Variants in SYT9 observed in about 807,000 individuals in gnomAD.
The protein encoded by SYT9 is synaptotagmin-9.
A neutral mutation model predicts 48.4 loss-of-function variants in SYT9; 22 were observed. That is an observed-to-expected ratio of 0.45 (90% CI 0.32 to 0.65). SYT9 has a LOEUF of 0.65. Ranked by LOEUF, SYT9 falls within the 30% of genes least tolerant of loss-of-function variation. The pLI is 0.03. For missense variants in SYT9, 577 were observed against 622.0 expected, an observed-to-expected ratio of 0.93 and a Z score of 0.77; for synonymous variants, 265 against 245.0, an observed-to-expected ratio of 1.08 and a Z score of -0.76.
At chr11:7,436,787 A>G (rs1027720070) in intron 6 of SYT9, among the ~76,000 whole-genome samples, 2 of 152,212 alleles carry the variant, frequency 1.3e-5, no homozygotes, top group Admixed American at 1.3e-4. Flanking sequence ...ACCCAGCTCA[A>G]CTTCCTGGTG....
intron 1 of SYT9, among the ~76,000 whole-genome samples, chr11:7,254,558 G>A (rs553264200): frequency 2.6e-5 from 4 of 152,238 alleles, no homozygotes; most frequent in East Asian, 1.9e-4. Flanking sequence ...ACCACACAAC[G>A]CCGTGTGAAT....
At chr11:7,370,104 A>T (rs1850335514) in intron 3 of SYT9, among the ~76,000 whole-genome samples, 1 of 151,988 alleles carries the variant, frequency 6.6e-6, no homozygotes, top group Non-Finnish European at 1.5e-5. Context: ...TTATGCCTTT[A>T]CGTCCTCATA....
intron 3 of SYT9, among the ~76,000 whole-genome samples, chr11:7,319,111 C>A (rs7947027): frequency 6.6e-6 from 1 of 150,680 alleles, no homozygotes; most frequent in Non-Finnish European, 1.5e-5. Flanking sequence ...TCCTTAGGTT[C>A]AGACAATGAG....
At chr11:7,260,038 C>T (rs529258113) in intron 1 of SYT9, among the ~76,000 whole-genome samples, 1 of 152,114 alleles carries the variant, frequency 6.6e-6, no homozygotes, top group Non-Finnish European at 1.5e-5. Context: ...TACCCTTGTG[C>T]AGCTGTTACT....
Position 7,371,339 on chromosome 11 carries a change from A to G in SYT9, c.1045-44703A>G, listed in dbSNP as rs112354602. ...ATGTTTCCTTCCAGGAGCATAGACT[A>G]TCTCCACTTACTCTATTCTTTTAAA... On this transcript the variant is annotated intron_variant, in intron 3 of 6. Coordinates refer to ENST00000318881, the MANE Select transcript of SYT9 (RefSeq NM_175733.4). 5.1e-3 allele frequency among the ~76,000 whole-genome samples: 777 copies of G among 152,208 alleles called. 4 individuals are homozygous for G. Among genetic ancestry groups the G allele is most frequent in the African/African-American group, 0.016 (659 of 41,560 alleles).
At chr11:7,459,334 A>G (rs989540170) in intron 6 of SYT9, among the ~76,000 whole-genome samples, 1 of 152,212 alleles carries the variant, frequency 6.6e-6, no homozygotes, top group Admixed American at 6.5e-5. Context: ...ATGAGATGTA[A>G]ATGGTAAAGA....
intron 1 of SYT9, among the ~76,000 whole-genome samples, chr11:7,272,328 C>T (rs1245455646): frequency 1.3e-5 from 2 of 152,118 alleles, no homozygotes; most frequent in Non-Finnish European, 2.9e-5. Flanking sequence ...GACTTCTGTC[C>T]CATTCTTTAT....
chr11:7,252,441 G>A lies in SYT9; in HGVS notation c.145+110G>A, dbSNP rs114347503. The A allele has an allele frequency of 3.6e-3, 4,429 of 1,215,888 alleles. 115 individuals are homozygous for A. The African/African-American group carries it at 0.064, about 18-fold the overall frequency. 75.3% of individuals were successfully genotyped at this position (1,215,888 alleles called of 1,614,324 possible). A position where few individuals can be genotyped will look rare whatever the true frequency, so the allele number is the denominator to read the frequency against. On this transcript the variant is annotated intron_variant, in intron 1 of 6. Coordinates refer to ENST00000318881, the MANE Select transcript of SYT9 (RefSeq NM_175733.4). This position sits in a 1 kb window ranked among gnomAD's most constrained non-coding sequence, Gnocchi z 6.3. ...GACGCGGACTGGGAGAGGGCGGGGG[G>A]CGGCCACCGAGCCAGGAGAGTGATC...
chr11:7,260,541 G>C (rs1268531841), intron 1 of SYT9, among the ~76,000 whole-genome samples: 4 of 152,198 alleles, frequency 2.6e-5, no homozygotes, highest in African/African-American at 9.6e-5. Flanking sequence ...GGACTAACTG[G>C]AGCACTCTGA....
In SYT9 at chr11:7,453,946, C is replaced by T. The variant is rs866549095; in HGVS notation, c.1468-12846C>T. On this transcript the variant is annotated intron_variant, in intron 6 of 6. Coordinates refer to ENST00000318881, the MANE Select transcript of SYT9 (RefSeq NM_175733.4). Reference sequence around the variant, plus strand: ...TCCTCAGGAGCACCAGGGAAGAGGCCTTAAGCCCAGTCTCCTTCAGCAGGC... The same window carrying T: ...TCCTCAGGAGCACCAGGGAAGAGGCTTTAAGCCCAGTCTCCTTCAGCAGGC... The T allele has an allele frequency of 2.7e-5, 26 of 977,086 alleles. No homozygotes were observed. The Middle Eastern group carries it at 1.6e-3, about 60-fold the overall frequency. The allele number at this position is 977,086 out of a possible 1,614,324, so 60.5% of individuals were successfully genotyped here. A position where few individuals can be genotyped will look rare whatever the true frequency, so the allele number is the denominator to read the frequency against.
intron 1 of SYT9, among the ~76,000 whole-genome samples, chr11:7,295,220 A>T (rs1848776533): frequency 6.6e-6 from 1 of 152,228 alleles, no homozygotes. Context: ...ATAAGCAGCT[A>T]GGAGGAGCCA....
intron 3 of SYT9, among the ~76,000 whole-genome samples, chr11:7,409,231 G>T (rs1478630646): frequency 6.6e-6 from 1 of 152,130 alleles, no homozygotes; most frequent in Non-Finnish European, 1.5e-5. Context: ...TGAGCCATCA[G>T]TGCATCCCTG....
intron 3 of SYT9, among the ~76,000 whole-genome samples, chr11:7,342,147 C>T (rs891157181): frequency 2.0e-5 from 3 of 152,074 alleles, no homozygotes; most frequent in African/African-American, 7.2e-5. Flanking sequence ...GACACAGAGC[C>T]AAATCATATC....
intron 6 of SYT9, among the ~76,000 whole-genome samples, chr11:7,449,096 C>T (rs747374279): frequency 1.3e-5 from 2 of 152,038 alleles, no homozygotes; most frequent in African/African-American, 4.8e-5. Flanking sequence ...GTAATCCCAG[C>T]GCTTTGGGAG....
intron 3 of SYT9, among the ~76,000 whole-genome samples, chr11:7,354,973 C>G (rs1849988662): frequency 6.6e-6 from 1 of 152,088 alleles, no homozygotes; most frequent in Non-Finnish European, 1.5e-5. Flanking sequence ...CTGAATTTAC[C>G]TATGAAGTTG....
chr11:7,379,916 A>G (rs1439614460), intron 3 of SYT9, among the ~76,000 whole-genome samples: 2 of 152,166 alleles, frequency 1.3e-5, no homozygotes, highest in Non-Finnish European at 2.9e-5. Context: ...GAGCTACCAT[A>G]TGATCCAGCA....
chr11:7,360,190 T>A (rs1850105095), intron 3 of SYT9, among the ~76,000 whole-genome samples: 1 of 152,244 alleles, frequency 6.6e-6, no homozygotes, highest in South Asian at 2.1e-4. Context: ...CTGAGGGCTC[T>A]GTTCTGCTCC....
At chr11:7,282,340 C>T (rs1403304633) in intron 1 of SYT9, among the ~76,000 whole-genome samples, 2 of 152,090 alleles carry the variant, frequency 1.3e-5, no homozygotes, top group African/African-American at 4.8e-5. Context: ...TTTTTCCATG[C>T]TCTCTTCAAG....
chr11:7,458,006 G>A (rs558658000), intron 6 of SYT9: 1 of 152,258 alleles, frequency 6.6e-6, no homozygotes, highest in South Asian at 2.1e-4. Context: ...CAATCACTTT[G>A]CATAAGGAAA....
Sources: allele counts gnomAD v4.1 joint callset (sites outside exome capture counted in the v4.1 genomes callset), GRCh38; gene constraint gnomAD v4.1.1; non-coding constraint Gnocchi (gnomAD v3.1); transcripts MANE v1.5; gene names NCBI Gene and HGNC (gene_info 2026-07-23, HGNC 2026-07-21).